SRRM3: variants seen among roughly 807,000 people sequenced by gnomAD.
SRRM3 encodes the protein serine/arginine repetitive matrix protein 3.
A neutral mutation model predicts 66.2 loss-of-function variants in SRRM3; 27 were observed. The ratio of observed to expected loss-of-function variants is 0.41; its 90% CI spans 0.30 to 0.56. The LOEUF (loss-of-function observed/expected upper bound fraction) is 0.56. Among genes scored for constraint, SRRM3 ranks in the 20% least tolerant of loss-of-function variants. The pLI is 0.32. For missense variants in SRRM3, 918 were observed against 991.9 expected (o/e 0.93, Z 1.00); for synonymous variants, 391 against 414.9 (o/e 0.94, Z 0.70).
At chr7:76,234,009 C>T (rs1479218540) in intron 1 of SRRM3, among the ~76,000 whole-genome samples, 1 of 152,030 alleles carries the variant, frequency 6.6e-6, no homozygotes, top group Non-Finnish European at 1.5e-5. Context: ...AGGGAAGGCC[C>T]GATCCAAGAT....
At chr7:76,224,133 T>G (rs1267248102) in intron 1 of SRRM3, among the ~76,000 whole-genome samples, 34 of 115,894 alleles carry the variant, frequency 2.9e-4, no homozygotes, top group African/African-American at 1.2e-3. Context: ...CAGGATGGAG[T>G]GCAGTGACAC....
intron 11 of SRRM3, among the ~76,000 whole-genome samples, chr7:76,270,791 GTGACAGAGTGAGACTC>G (rs1802188103): frequency 6.6e-6 from 1 of 150,686 alleles, no homozygotes; most frequent in Non-Finnish European, 1.5e-5. Context: ...TCCAGCCTAG[GTGACAGAGTGAGACTC>G]CGTCTCGGAA....
At chr7:76,271,811 C>G (rs1802221231) in intron 11 of SRRM3, among the ~76,000 whole-genome samples, 1 of 152,150 alleles carries the variant, frequency 6.6e-6, no homozygotes, top group African/African-American at 2.4e-5. Flanking sequence ...CTGCTTTCCC[C>G]CATCAGACCC....
intron 3 of SRRM3, among the ~76,000 whole-genome samples, chr7:76,259,408 G>C (rs74554249): frequency 1.3e-5 from 2 of 151,664 alleles, no homozygotes; most frequent in East Asian, 3.9e-4. Context: ...GTGAGACCCC[G>C]TCTCTGCAAA....
intron 11 of SRRM3, among the ~76,000 whole-genome samples, chr7:76,277,105 T>C (rs1462421389): frequency 6.6e-6 from 1 of 152,084 alleles, no homozygotes; most frequent in East Asian, 1.9e-4. Context: ...GCCCGTGACT[T>C]GGAGGAGATG....
chr7:76,216,128 C>T (rs558094475), intron 1 of SRRM3, among the ~76,000 whole-genome samples: 1 of 148,550 alleles, frequency 6.7e-6, no homozygotes, highest in South Asian at 2.1e-4. Flanking sequence ...AATTTTTTGT[C>T]ATTTTAGTAG....
chr7:76,266,560 A>T (rs1265222032), intron 10 of SRRM3, among the ~76,000 whole-genome samples: 5 of 116,250 alleles, frequency 4.3e-5, no homozygotes, highest in African/African-American at 1.0e-4. Flanking sequence ...TATTAAATAT[A>T]TAATATATAA....
chr7:76,257,087 A>C, intron 3 of SRRM3, among the ~76,000 whole-genome samples: 1 of 151,980 alleles, frequency 6.6e-6, no homozygotes, highest in Non-Finnish European at 1.5e-5. Context: ...CTCCTATCTC[A>C]TCCTGCGACT....
chr7:76,224,077 C>T (rs1308229146), intron 1 of SRRM3, among the ~76,000 whole-genome samples: 1 of 60,944 alleles, frequency 1.6e-5, no homozygotes, highest in African/African-American at 7.3e-5. Flanking sequence ...TCCCTTCCCT[C>T]TTTTTTTTTT....
chr7:76,209,932 A>C (rs1370822997), intron 1 of SRRM3, among the ~76,000 whole-genome samples: 1 of 152,180 alleles, frequency 6.6e-6, no homozygotes, highest in Admixed American at 6.5e-5. Context: ...TTCAGAAAGC[A>C]ATGACAATTA....
At position 76,238,465 on chromosome 7, in the gene SRRM3, A is replaced by T. The variant is rs538062234; in HGVS notation, c.233+3166A>T. Among the ~76,000 whole-genome samples, 3 of 152,252 alleles carry T rather than the reference A, an allele frequency of 2.0e-5. No homozygotes were observed. The East Asian group carries it at 5.8e-4, about 29-fold the overall frequency. ...CATTAAAAAGCAATCCTTTTCCTTAATATTGATGGCTGGCTGGCTAATCCA... is the reference window on the plus strand; with the variant it reads ...CATTAAAAAGCAATCCTTTTCCTTATTATTGATGGCTGGCTGGCTAATCCA... On this transcript the variant is annotated intron_variant, in intron 2 of 14. Coordinates refer to ENST00000611745, the MANE Select transcript of SRRM3 (RefSeq NM_001110199.3).
At chr7:76,261,049 A>T in intron 6 of SRRM3, 146 bp downstream of exon 6, 1 of 832,454 alleles carries the variant, frequency 1.2e-6, no homozygotes, top group Non-Finnish European at 1.8e-6. Context: ...GCCCCTACAG[A>T]GGCCGTGAAT....
chr7:76,258,227 G>A (rs1351357980), intron 3 of SRRM3, among the ~76,000 whole-genome samples: 1 of 152,186 alleles, frequency 6.6e-6, no homozygotes, highest in Non-Finnish European at 1.5e-5. Context: ...GCTGCAGAGG[G>A]GAGGGCGAGG....
At chr7:76,262,129 A>T (rs1406363718) in intron 8 of SRRM3, among the ~76,000 whole-genome samples, 1 of 151,484 alleles carries the variant, frequency 6.6e-6, no homozygotes, top group Non-Finnish European at 1.5e-5. Context: ...TTCAGGGTGG[A>T]CTGGGGGAGG....
At chr7:76,230,624 G>A (rs1401607720) in intron 1 of SRRM3, among the ~76,000 whole-genome samples, 1 of 151,604 alleles carries the variant, frequency 6.6e-6, no homozygotes, top group Non-Finnish European at 1.5e-5. Flanking sequence ...ACTCCAGCCT[G>A]GGCAACAGAT....
chr7:76,260,947 T>G, intron 6 of SRRM3, 44 bp downstream of exon 6: 1 of 1,545,512 alleles, frequency 6.5e-7, no homozygotes, highest in South Asian at 1.2e-5. Context: ...GGGGGATGTC[T>G]GTGGGTGGGA....
intron 3 of SRRM3, among the ~76,000 whole-genome samples, 157 bp downstream of exon 3, chr7:76,248,446 T>G (rs1554606448): frequency 6.6e-6 from 1 of 151,998 alleles, no homozygotes; most frequent in Non-Finnish European, 1.5e-5. Flanking sequence ...GAGCATGGTC[T>G]CTGCCCACTG....
At chr7:76,218,652 C>T (rs1489722326) in intron 1 of SRRM3, among the ~76,000 whole-genome samples, 11 of 150,138 alleles carry the variant, frequency 7.3e-5, no homozygotes, top group African/African-American at 2.7e-4. Context: ...CTAGGTTGAA[C>T]TCGTCTGTGT....
At chr7:76,267,596 C>T (rs1802106075) in intron 11 of SRRM3, 161 bp downstream of exon 11, 1 of 561,816 alleles carries the variant, frequency 1.8e-6, no homozygotes, top group South Asian at 6.0e-5. Context: ...CGTCCTGGCT[C>T]GGGAGCCGCC....
Sources: gnomAD v4.1 joint callset for allele counts (sites outside exome capture counted in the v4.1 genomes callset) on GRCh38, gnomAD v4.1.1 for gene constraint, MANE v1.5 for transcripts, NCBI Gene and HGNC (gene_info 2026-07-23, HGNC 2026-07-21) for gene names.